KARS1: variants seen among roughly 807,000 people sequenced by gnomAD.
KARS1 encodes lysyl-tRNA synthetase 1.
In KARS1, 50 loss-of-function variants were observed where a neutral mutation model predicts 63.9. The ratio of observed to expected loss-of-function variants is 0.78; its 90% CI spans 0.62 to 0.99. The LOEUF is 0.99. KARS1 is among the 50% of genes least tolerant of loss of function. The pLI is 0.00. For missense variants in KARS1, 816 were observed against 754.5 expected (o/e 1.08, Z -0.95); for synonymous variants, 320 against 264.6 (o/e 1.21, Z -2.03).
chr16:75,630,150 C>A (rs1220785917), intron 11 of KARS1, among the ~76,000 whole-genome samples: 2 of 152,188 alleles, frequency 1.3e-5, no homozygotes, highest in Non-Finnish European at 2.9e-5. Flanking sequence ...CCCCTTAGAG[C>A]CCAACCACCA....
chr16:75,641,785 C>A, intron 1 of KARS1, 62 bp from the exon 2 acceptor site: 1 of 1,561,452 alleles, frequency 6.4e-7, no homozygotes, highest in Non-Finnish European at 8.8e-7. Context: ...ATGTTCTGCC[C>A]CTAGCAACTT....
chr16:75,640,404 T>C (rs998042870), intron 2 of KARS1, 55 bp from the exon 3 acceptor site: 11 of 1,569,052 alleles, frequency 7.0e-6, no homozygotes, highest in Non-Finnish European at 9.6e-6. Flanking sequence ...GTCAGACCAG[T>C]GGGGCCCACC....
rs746483110 is a variant in KARS1 at position 75,628,576 on chromosome 16, T to A, written c.1688A>T (p.Asn563Ile). 8.1e-6 allele frequency: 13 copies of A among 1,613,722 alleles called. No homozygotes were observed. Among genetic ancestry groups the A allele is most frequent in the Non-Finnish European group, 1.0e-5 (12 of 1,179,982 alleles). ...RVAMFLTDSN[N>I]IKEVLLFPAM... ...TGGAGGGTTGCTACGTACCTTGATGTTGTTGGAGTCCGTGAGAAACATGGC... is the reference window on the plus strand; with the variant it reads ...TGGAGGGTTGCTACGTACCTTGATGATGTTGGAGTCCGTGAGAAACATGGC... The change falls in exon 13 of 14, where the codon AAC becomes ATC. Residue 563 changes from asparagine (N) to isoleucine (I), a missense_variant. Physicochemically the swap from Asn to Ile is moderately radical, Grantham distance 149. Coordinates refer to ENST00000302445, the MANE Select transcript of KARS1 (RefSeq NM_005548.3).
At chr16:75,635,370 G>A (rs1238490326) in intron 6 of KARS1, 4 of 350,776 alleles carry the variant, frequency 1.1e-5, no homozygotes, top group Non-Finnish European at 2.2e-5. Flanking sequence ...TATGGTACGT[G>A]TGTTTGCCTT....
In KARS1 at chr16:75,636,005, C is replaced by T. The variant is rs777810885; in HGVS notation, c.576G>A (p.Lys192=). The T allele has an allele frequency of 1.9e-6, 3 of 1,613,984 alleles. No homozygotes were observed. The highest frequency in any genetic ancestry group is 2.2e-5 in the East Asian group (1 of 44,884). The change falls in exon 5 of 14, where the codon AAG becomes AAA. Residue 192 remains lysine (K), a synonymous_variant. Transcript: ENST00000302445. ...IGVQGNPGKT[K]KGELSIIPYE... is the part of the protein sequence containing the mutation. ...ACGGAATGATGCTCAGCTCACCCTT[C>T]TTGGTTTTACCAGGATTCCCCTGAA...
chr16:75,639,918 G>C (rs1186595530), intron 3 of KARS1: 10 of 489,028 alleles, frequency 2.0e-5, no homozygotes, highest in Non-Finnish European at 3.3e-5. Context: ...AGAAGCCTGA[G>C]ACTTCTACCG....
chr16:75,636,237 TA>T, intron 4 of KARS1, 139 bp from the exon 5 acceptor site: 2 of 708,190 alleles, frequency 2.8e-6, no homozygotes, highest in East Asian at 2.7e-5. Flanking sequence ...GGGCCACTAT[TA>T]AAAAAGGACT....
At chr16:75,628,026 G>A (rs1276544517) in intron 13 of KARS1, 33 bp from the exon 14 acceptor site, 2 of 1,282,904 alleles carry the variant, frequency 1.6e-6, no homozygotes, top group African/African-American at 2.9e-5. Flanking sequence ...TTGAAGCTGA[G>A]AAGCACTCTC....
chr16:75,636,715 C>T (rs780444543), intron 3 of KARS1, among the ~76,000 whole-genome samples, 168 bp from the exon 4 acceptor site: 1 of 151,606 alleles, frequency 6.6e-6, no homozygotes, highest in Non-Finnish European at 1.5e-5. Flanking sequence ...CTCAATGCAA[C>T]CTCCGCCTCC....
intron 7 of KARS1, 155 bp downstream of exon 7, chr16:75,634,015 CTGG>C: frequency 8.8e-6 from 7 of 794,780 alleles, no homozygotes; most frequent in Admixed American, 5.2e-5. Flanking sequence ...TAGAGAAATT[CTGG>C]AAGTGTTACT....
intron 7 of KARS1, chr16:75,633,854 CTCTT>C: frequency 2.8e-6 from 1 of 360,706 alleles, no homozygotes; most frequent in East Asian, 7.2e-5. Flanking sequence ...ACAGATTAGG[CTCTT>C]TCTTCTGTGA....
chr16:75,631,063 G>T, intron 10 of KARS1, 105 bp downstream of exon 10: 1 of 835,862 alleles, frequency 1.2e-6, no homozygotes, highest in Non-Finnish European at 2.0e-6. Flanking sequence ...GTTTTCCTGT[G>T]AAGCTGCAGA....
At chr16:75,636,986 A>C (rs1401752981) in intron 3 of KARS1, among the ~76,000 whole-genome samples, 1 of 150,310 alleles carries the variant, frequency 6.7e-6, no homozygotes, top group Non-Finnish European at 1.5e-5. Context: ...AAAGCAGTAC[A>C]ATCTGATTTT....
At chr16:75,634,087 C>T in intron 7 of KARS1, 86 bp downstream of exon 7, 1 of 1,430,334 alleles carries the variant, frequency 7.0e-7, no homozygotes, top group African/African-American at 1.4e-5. Context: ...CTCTCTGTTC[C>T]TCTTATTTCT....
Position 75,630,416 on chromosome 16 carries a change from A to C in KARS1, c.1424+7T>G. The C allele has an allele frequency of 6.5e-7, 1 of 1,549,088 alleles. No individual in the cohort carries two copies. Among genetic ancestry groups the C allele is most frequent in the Non-Finnish European group, 8.9e-7 (1 of 1,123,294 alleles). On this transcript the variant is annotated splice_region_variant and intron_variant, in intron 11 of 13. Coordinates refer to ENST00000302445, the MANE Select transcript of KARS1 (RefSeq NM_005548.3). ...TGTTATGCAGCAATAGGTAACTGGA[A>C]TCTTACCATTTAGCCAAAGGGCTCA...
chr16:75,637,684 C>A (rs985063993), intron 3 of KARS1, among the ~76,000 whole-genome samples: 1 of 150,650 alleles, frequency 6.6e-6, no homozygotes, highest in African/African-American at 2.4e-5. Flanking sequence ...GAGGCTGAGG[C>A]AGGAGAATCG....
intron 1 of KARS1, among the ~76,000 whole-genome samples, chr16:75,646,606 A>T (rs1377032239): frequency 6.6e-6 from 1 of 151,870 alleles, no homozygotes; most frequent in Non-Finnish European, 1.5e-5. Flanking sequence ...CCGTCTCAGT[A>T]ACTCCTTGGG....
At chr16:75,636,854 G>T (rs755013971) in intron 3 of KARS1, among the ~76,000 whole-genome samples, 15 of 151,224 alleles carry the variant, frequency 9.9e-5, no homozygotes, top group Non-Finnish European at 1.8e-4. Context: ...TGCCCAGGCT[G>T]GTCTTGAACT....
rs1168931391 is a variant in KARS1 at position 75,631,443 on chromosome 16, G to C, written c.1225C>G (p.Pro409Ala). The change falls in exon 9 of 14, where the codon CCA (proline) becomes GCA (alanine). Residue 409 changes from proline (P) to alanine (A), a missense_variant. Transcript: ENST00000302445. ...TCAGTTTCAAAGAGGTTCGTTTCTG[G>C]CAGCTTCATCCCCAGGGCTTTCTCA... ...ELEKALGMKL[P>A]ETNLFETEET... The C allele has an allele frequency of 8.7e-6, 14 of 1,614,038 alleles. No individual in the cohort carries two copies. Among genetic ancestry groups the C allele is most frequent in the Non-Finnish European group, 1.1e-5 (13 of 1,180,034 alleles).
Sources: allele counts gnomAD v4.1 joint callset (sites outside exome capture counted in the v4.1 genomes callset), GRCh38; gene constraint gnomAD v4.1.1; transcripts MANE v1.5; gene names NCBI Gene and HGNC (gene_info 2026-07-23, HGNC 2026-07-21).